CYP4F12: variants seen among roughly 807,000 people sequenced by gnomAD.
CYP4F12 encodes the protein cytochrome P450 4F12.
Under a neutral mutation model 56.5 loss-of-function variants are expected in CYP4F12, and 60 were observed. The ratio of observed to expected loss-of-function variants is 1.06; its 90% confidence interval spans 0.86 to 1.32. The LOEUF (loss-of-function observed/expected upper bound fraction) is 1.32, where lower values mean the gene tolerates loss of function less well. CYP4F12 is among the 40% of genes most tolerant of loss of function. The pLI is 0.00. For missense variants in CYP4F12, 711 were observed against 683.5 expected, an observed-to-expected ratio of 1.04 and a Z score of -0.45; for synonymous variants, 263 against 264.9, an observed-to-expected ratio of 0.99 and a Z score of 0.07.
chr19:15,683,904 A>G, intron 7 of CYP4F12, 141 bp downstream of exon 7: 1 of 1,129,966 alleles, frequency 8.8e-7, no homozygotes, highest in Non-Finnish European at 1.2e-6. Context: ...GATAGGTTTT[A>G]GAGATGACTT....
intron 2 of CYP4F12, among the ~76,000 whole-genome samples, chr19:15,676,799 T>C (rs369138313): frequency 3.7e-4 from 4 of 10,880 alleles, no homozygotes; most frequent in African/African-American, 8.1e-4. Flanking sequence ...ATTCATTCCT[T>C]TACCCACTCA....
intron 12 of CYP4F12, 40 bp downstream of exon 12, chr19:15,696,552 G>A (rs757638040): frequency 6.3e-7 from 1 of 1,582,028 alleles, no homozygotes; most frequent in South Asian, 1.2e-5. Flanking sequence ...TGGGATGATG[G>A]GTGCGGGAGT....
In CYP4F12 at chr19:15,684,824, T is replaced by C. The variant is rs367757912; in HGVS notation, c.927T>C (p.Asp309=). ...TCTTGCTTTCTCTTCAGGATGAAGA[T>C]GGGAAGGCATTGTCAGATGAGGATA... The part of the protein sequence containing the change: ...IDVLLLSKDE[D]GKALSDEDIR... Residue 309 remains aspartate (D), a synonymous_variant, in exon 8 of 13, where the codon GAT becomes GAC. Transcript: ENST00000550308. The C allele has an allele frequency of 2.6e-5, 41 of 1,607,724 alleles. No individual in the cohort carries two copies. In the African/African-American group the frequency reaches 3.5e-4, roughly 14 times the overall value.
intron 9 of CYP4F12, among the ~76,000 whole-genome samples, chr19:15,690,111 G>A (rs4109350): frequency 0.27 from 41,686 of 151,946 alleles, 5,696 homozygotes; most frequent in African/African-American, 0.36. Flanking sequence ...ATAAAAGGAA[G>A]TAAAGAAGAG....
chr19:15,678,588 C>A, intron 3 of CYP4F12, 183 bp downstream of exon 3: 3 of 806,266 alleles, frequency 3.7e-6, no homozygotes, highest in South Asian at 1.8e-5. Flanking sequence ...TCCAAGAGGC[C>A]TCAATTCAGG....
At position 15,696,960 on chromosome 19, in the gene CYP4F12, T is replaced by G. The variant is rs61729069; in HGVS notation, c.1450T>G (p.Leu484Val). ...AMAEMKVVLA[L>V]MLLHFRFLPD... is the part of the protein sequence containing the mutation. ...GGCGGAGATGAAAGTGGTCCTGGCG[T>G]TGATGCTGCTGCACTTCCGGTTCCT... The change falls in exon 13 of 13, where the codon TTG (leucine) becomes GTG (valine). Residue 484 changes from leucine (L) to valine (V), a missense_variant. By Grantham distance (32) the Leu-to-Val change is conservative (BLOSUM62 1). Transcript: ENST00000550308. 3 of 1,614,064 alleles carry G rather than the reference T, an allele frequency of 1.9e-6. No individual in the cohort carries two copies. In the African/African-American group the frequency reaches 4.0e-5, roughly 22 times the overall value.
chr19:15,680,367 C>A (rs750351950), intron 4 of CYP4F12, 25 bp from the exon 5 acceptor site: 1 of 1,613,972 alleles, frequency 6.2e-7, no homozygotes, highest in Non-Finnish European at 8.5e-7. Flanking sequence ...CTGCTCTTGC[C>A]CACTGTCCTT....
At position 15,696,215 on chromosome 19, in the gene CYP4F12, C is replaced by G. The variant is rs779531977; in HGVS notation, c.1304C>G (p.Pro435Arg). Residue 435 changes from proline (P) to arginine (R), a missense_variant, in exon 11 of 13, where the codon CCG (proline) becomes CGG (arginine). Pro to Arg is a moderately radical substitution (Grantham distance 103). Transcript: ENST00000550308. ...IGVHHNPTVW[P>R]DPEVYDPFRF... ...GTCCATCACAACCCAACTGTGTGGC[C>G]GGATCCTGAGGTGCTGCCTTCCCCA... is the stretch of plus-strand genomic sequence containing the variant. The G allele has an allele frequency of 1.2e-6, 2 of 1,613,948 alleles. No individual in the cohort carries two copies. The highest frequency in any genetic ancestry group is 1.7e-5 in the Admixed American group (1 of 59,992).
chr19:15,682,535 A>G, intron 6 of CYP4F12, 25 bp downstream of exon 6: 1 of 1,611,304 alleles, frequency 6.2e-7, no homozygotes. Flanking sequence ...AGGGCCTGGG[A>G]TATGAATCCA....
At position 15,677,110 on chromosome 19, in the gene CYP4F12, T is replaced by TCCTCACTCACTCATTCC. The variant is rs1568413980; in HGVS notation, c.199-1151_199-1150insCCTCACTCACTCATTCC. 3.4e-5 allele frequency among the ~76,000 whole-genome samples: 4 copies of TCCTCACTCACTCATTCC among 118,230 alleles called. 1 individual carries two copies. Among genetic ancestry groups the TCCTCACTCACTCATTCC allele is most frequent in the African/African-American group, 1.2e-4 (4 of 32,404 alleles). The allele number at this position is 118,230 out of a possible 152,430, so 77.6% of individuals were successfully genotyped here. Reference sequence around the variant, plus strand: ...TCCTCTCCTCACTCACTCATTCCTCTGCTCACTCACTCATTCATATCCTCA... The same window carrying TCCTCACTCACTCATTCC: ...TCCTCTCCTCACTCACTCATTCCTCTCCTCACTCACTCATTCCGCTCACTCACTCATTCATATCCTCA... On this transcript the variant is annotated intron_variant, in intron 2 of 12. Coordinates refer to ENST00000550308, the MANE Select transcript of CYP4F12 (RefSeq NM_023944.4).
chr19:15,684,895 G>C lies in CYP4F12; in HGVS notation c.985+13G>C, dbSNP rs2007521769. The C allele has an allele frequency of 6.3e-7, 1 of 1,597,956 alleles. No individual in the cohort carries two copies. On this transcript the variant is annotated intron_variant, in intron 8 of 12. Transcript: ENST00000550308. ...TTCATGTTTGGAGGTGAGGGTCCCA[G>C]TGTGGGACTACAGTGGAGACAGAGG...
intron 10 of CYP4F12, 43 bp downstream of exon 10, chr19:15,696,112 T>G (rs746152891): frequency 6.2e-7 from 1 of 1,610,890 alleles, no homozygotes; most frequent in Non-Finnish European, 8.5e-7. Context: ...GGTAGGAAGA[T>G]GGTTCCCTCA....
At chr19:15,684,665 C>G in intron 7 of CYP4F12, 151 bp from the exon 8 acceptor site, 3 of 730,470 alleles carry the variant, frequency 4.1e-6, no homozygotes. Context: ...CAAGAGAGAT[C>G]TAGACGTGCA....
chr19:15,679,517 C>T (rs1169197270), intron 3 of CYP4F12, among the ~76,000 whole-genome samples: 6 of 152,162 alleles, frequency 3.9e-5, no homozygotes, highest in Admixed American at 6.5e-5. Context: ...TATATCTTTT[C>T]TGTTTAACCT....
At position 15,682,408 on chromosome 19, in the gene CYP4F12, C is replaced by A; in HGVS notation, c.545C>A (p.Ala182Asp). 1.2e-6 allele frequency: 2 copies of A among 1,613,376 alleles called. No homozygotes were observed. The highest frequency in any genetic ancestry group is 1.7e-6 in the Non-Finnish European group (2 of 1,179,454). Residue 182 changes from alanine to aspartate, a missense_variant, in exon 6 of 13, where the codon GCC becomes GAC. Transcript: ENST00000550308. ...NIMLDKWQHL[A>D]SEGSSRLDMF... ...GGCCAGGACAAGTGGCAGCACCTGG[C>A]CTCAGAGGGCAGCAGTCGTCTGGAC...
intron 9 of CYP4F12, among the ~76,000 whole-genome samples, chr19:15,686,496 G>A (rs2007612092): frequency 6.6e-6 from 1 of 152,056 alleles, no homozygotes. Context: ...TAAGAGGGAG[G>A]AAAAGTGAGG....
chr19:15,695,024 A>G (rs970849278), intron 9 of CYP4F12, among the ~76,000 whole-genome samples: 1 of 152,178 alleles, frequency 6.6e-6, no homozygotes, highest in African/African-American at 2.4e-5. Flanking sequence ...AGGACTATAA[A>G]TCATGCGGCT....
intron 9 of CYP4F12, among the ~76,000 whole-genome samples, chr19:15,686,971 CAA>C (rs10570451): frequency 0.28 from 42,936 of 151,642 alleles, 6,572 homozygotes; most frequent in African/African-American, 0.4. Context: ...ACTTTGTAAA[CAA>C]AAAAAAGTGT....
chr19:15,693,495 G>C (rs997338046), intron 9 of CYP4F12, among the ~76,000 whole-genome samples: 20 of 151,460 alleles, frequency 1.3e-4, no homozygotes, highest in African/African-American at 4.9e-4. Flanking sequence ...GTCTTCTTTT[G>C]AGAAGTGTCT....
Sources: allele counts gnomAD v4.1 joint callset (sites outside exome capture counted in the v4.1 genomes callset), GRCh38; gene constraint gnomAD v4.1.1; transcripts MANE v1.5; gene names NCBI Gene and HGNC (gene_info 2026-07-23, HGNC 2026-07-21).